Variants in RSPH14 observed in about 807,000 individuals in gnomAD.
RSPH14 encodes the protein rhabdoid tumor deletion region gene 1.
Under a neutral mutation model 26.7 loss-of-function variants are expected in RSPH14, and 20 were observed. The observed-to-expected ratio is 0.75, with a 90% CI of 0.53 to 1.09. The LOEUF (loss-of-function observed/expected upper bound fraction) is 1.09, where lower values mean the gene tolerates loss of function less well. Among genes scored for constraint, RSPH14 ranks in the 50% least tolerant of loss-of-function variants. RSPH14 has a pLI of 0.00. For synonymous variants in RSPH14, 177 were observed against 189.3 expected (o/e 0.93, Z 0.53); for missense variants, 449 against 457.2 (o/e 0.98, Z 0.16).
At chr22:23,140,691 T>C (rs1240488053) in intron 1 of RSPH14, among the ~76,000 whole-genome samples, 1 of 152,158 alleles carries the variant, frequency 6.6e-6, no homozygotes, top group African/African-American at 2.4e-5. Flanking sequence ...TCCCACACAA[T>C]AGTGCTTCAC....
At chr22:23,163,002 C>A in the RSPH14 span, 1 of 302,310 alleles carries the variant, frequency 3.3e-6, no homozygotes, top group Admixed American at 4.5e-5. Flanking sequence ...ACCTCTGCCT[C>A]CCAGGTTGAA....
chr22:23,142,414 G>T (rs2070621031), upstream of RSPH14, among the ~76,000 whole-genome samples: 1 of 152,016 alleles, frequency 6.6e-6, no homozygotes, highest in African/African-American at 2.4e-5. Flanking sequence ...TCCACTCCGC[G>T]CCACCGCACC....
At chr22:23,060,134 C>T (rs936840594) in intron 6 of RSPH14, among the ~76,000 whole-genome samples, 3 of 151,978 alleles carry the variant, frequency 2.0e-5, no homozygotes, top group Non-Finnish European at 2.9e-5. Context: ...ATCGTGACAT[C>T]GTACTCTAGC....
At chr22:23,102,482 T>G (rs2069331583) in intron 4 of RSPH14, among the ~76,000 whole-genome samples, 1 of 152,202 alleles carries the variant, frequency 6.6e-6, no homozygotes, top group African/African-American at 2.4e-5. Flanking sequence ...CTTCCAAGGG[T>G]GGGGCCATTT....
the RSPH14 span, among the ~76,000 whole-genome samples, chr22:23,166,005 G>A: frequency 6.6e-6 from 1 of 151,960 alleles, no homozygotes; most frequent in Non-Finnish European, 1.5e-5. Flanking sequence ...AATTAGCCAG[G>A]CATGGTGGCA....
chr22:23,155,899 C>A, the RSPH14 span: 1 of 1,432,412 alleles, frequency 7.0e-7, no homozygotes, highest in South Asian at 1.3e-5. Context: ...GTCCCGTAGC[C>A]TGTTGGCTCA....
At chr22:23,136,456 C>T in intron 3 of RSPH14, 1 of 508,398 alleles carries the variant, frequency 2.0e-6, no homozygotes. Context: ...AGAAGTTGGC[C>T]ACATTTCTGA....
chr22:23,145,860 G>A, upstream of RSPH14: 1 of 519,632 alleles, frequency 1.9e-6, no homozygotes, highest in Non-Finnish European at 2.5e-6. Flanking sequence ...GGAGGCTCGA[G>A]GAGTCAGAGG....
chr22:23,136,152 T>A, intron 3 of RSPH14: 1 of 657,848 alleles, frequency 1.5e-6, no homozygotes, highest in Non-Finnish European at 2.8e-6. Context: ...CATGCTTTGA[T>A]AGTCAGTTGT....
At chr22:23,070,491 C>T (rs895633319) in intron 4 of RSPH14, 1 of 150,332 alleles carries the variant, frequency 6.7e-6, no homozygotes, top group African/African-American at 2.4e-5. Flanking sequence ...ACGAGGGCGC[C>T]GCGGCCCCGT....
chr22:23,156,211 G>T, the RSPH14 span: 2 of 571,844 alleles, frequency 3.5e-6, no homozygotes, highest in South Asian at 4.1e-5. Flanking sequence ...CCAGGCACTG[G>T]CTGACTTTGG....
At chr22:23,123,919 C>A (rs535926390) in intron 4 of RSPH14, 1 of 220,610 alleles carries the variant, frequency 4.5e-6, no homozygotes, top group East Asian at 1.1e-4. Context: ...AGGACCAGTG[C>A]AGGGTCTGTG....
At chr22:23,112,552 A>G (rs1036890308) in intron 4 of RSPH14, among the ~76,000 whole-genome samples, 6 of 152,184 alleles carry the variant, frequency 3.9e-5, no homozygotes, top group African/African-American at 1.2e-4. Flanking sequence ...GACACTTAGC[A>G]GGAGGCTGGG....
At chr22:23,146,069 T>C (rs1405386853), upstream of RSPH14, 20 of 955,360 alleles carry the variant, frequency 2.1e-5, no homozygotes, top group Non-Finnish European at 2.5e-5. Context: ...TAGACACCTG[T>C]CAAGGGGAGA....
intron 4 of RSPH14, among the ~76,000 whole-genome samples, chr22:23,066,148 G>A (rs1046081022): frequency 1.3e-5 from 2 of 152,180 alleles, no homozygotes; most frequent in African/African-American, 4.8e-5. Context: ...AAAGTTCTGG[G>A]ATGGGGACAC....
At chr22:23,081,961 T>C (rs2068691545) in intron 4 of RSPH14, among the ~76,000 whole-genome samples, 1 of 148,962 alleles carries the variant, frequency 6.7e-6, no homozygotes, top group South Asian at 2.2e-4. Context: ...TCATCTCTAC[T>C]AAAAATACAA....
At chr22:23,111,553 A>C (rs1354431843) in intron 4 of RSPH14, among the ~76,000 whole-genome samples, 1 of 152,196 alleles carries the variant, frequency 6.6e-6, no homozygotes, top group East Asian at 1.9e-4. Flanking sequence ...AGAGACACCA[A>C]AGCACTCCAG....
At chr22:23,143,216 A>C (rs548542000), upstream of RSPH14, among the ~76,000 whole-genome samples, 106 of 151,944 alleles carry the variant, frequency 7.0e-4, no homozygotes, top group African/African-American at 2.4e-3. Flanking sequence ...GCTTGAGCCC[A>C]AGAGTTTGAG....
rs1380500696 is a variant in RSPH14 at position 23,138,820 on chromosome 22, T to A, written c.302+20A>T. On this transcript the variant is annotated intron_variant, in intron 3 of 6. Transcript: ENST00000216036. ...GTGCGGCTCGCAAGCGTCACACTGG[T>A]TTCCAGAACAGCATCCCACCTGCCC... 7 of 1,545,692 alleles carry A rather than the reference T, an allele frequency of 4.5e-6. No homozygotes were observed. The highest frequency in any genetic ancestry group is 1.4e-5 in the African/African-American group (1 of 72,692).
Sources: allele counts gnomAD v4.1 joint callset (sites outside exome capture counted in the v4.1 genomes callset), GRCh38; gene constraint gnomAD v4.1.1; transcripts MANE v1.5; gene names NCBI Gene and HGNC (gene_info 2026-07-23, HGNC 2026-07-21).